The following DAOA variants were observed in gnomAD, a reference collection of about 807,000 sequenced individuals.
DAOA encodes D-amino acid oxidase regulator.
Under a neutral mutation model 16.4 loss-of-function variants are expected in DAOA, and 15 were observed. The ratio of observed to expected loss-of-function variants is 0.91; its 90% CI spans 0.61 to 1.41. The LOEUF (loss-of-function observed/expected upper bound fraction) is 1.41, where lower values mean the gene tolerates loss of function less well. Ranked by LOEUF, DAOA falls within the 40% of genes most tolerant of loss-of-function variation. The pLI is 0.00. For synonymous variants in DAOA, 75 were observed against 59.1 expected, an observed-to-expected ratio of 1.27 and a Z score of -1.23; for missense variants, 230 against 176.8, an observed-to-expected ratio of 1.30 and a Z score of -1.71.
At chr13:105,484,786 T>C (rs1877996866) in intron 4 of DAOA, among the ~76,000 whole-genome samples, 1 of 152,218 alleles carries the variant, frequency 6.6e-6, no homozygotes, top group Non-Finnish European at 1.5e-5. Flanking sequence ...ACAATTTGGA[T>C]GCCTTTTATT....
intron 2 of DAOA, 115 bp downstream of exon 2, chr13:105,466,447 G>C: frequency 6.4e-7 from 1 of 1,552,882 alleles, no homozygotes. Context: ...GAACATGTCA[G>C]GGTTGGAAGC....
chr13:105,482,250 C>A (rs1877794574), intron 4 of DAOA, among the ~76,000 whole-genome samples: 1 of 152,154 alleles, frequency 6.6e-6, no homozygotes, highest in Non-Finnish European at 1.5e-5. Flanking sequence ...TCTATTTCAT[C>A]ATTTCTCAGT....
At chr13:105,470,891 T>C (rs1018216662) in intron 3 of DAOA, among the ~76,000 whole-genome samples, 27 of 152,036 alleles carry the variant, frequency 1.8e-4, no homozygotes, top group African/African-American at 2.7e-4. Context: ...CCCGGGTTCA[T>C]GCCATTCTCC....
chr13:105,473,538 T>A (rs1364025091), intron 4 of DAOA, among the ~76,000 whole-genome samples: 1 of 152,170 alleles, frequency 6.6e-6, no homozygotes, highest in Admixed American at 6.5e-5. Flanking sequence ...TCATGTTTTA[T>A]CTGAGGCTAT....
chr13:105,484,422 CTTAAGAATA>C (rs942235071), intron 4 of DAOA, among the ~76,000 whole-genome samples: 2 of 152,074 alleles, frequency 1.3e-5, no homozygotes, highest in African/African-American at 4.8e-5. Flanking sequence ...CAACTGACAT[CTTAAGAATA>C]TTATCTTCCA....
intron 4 of DAOA, among the ~76,000 whole-genome samples, chr13:105,479,164 C>CA (rs1303993100): frequency 1.3e-5 from 2 of 152,124 alleles, no homozygotes; most frequent in Non-Finnish European, 2.9e-5. Flanking sequence ...GGTTGCTTCC[C>CA]AAAACAAGTA....
rs777028849 is a variant in DAOA at position 105,489,933 on chromosome 13, T to G, written c.314T>G (p.Val105Gly). 75 of 1,613,770 alleles carry G rather than the reference T, an allele frequency of 4.6e-5. No individual in the cohort carries two copies. The highest frequency in any genetic ancestry group is 5.8e-5 in the Non-Finnish European group (69 of 1,179,900). Residue 105 changes from valine to glycine, a missense_variant, in exon 5 of 6, where the codon GTC becomes GGC. Val to Gly is a moderately radical substitution (Grantham distance 109, BLOSUM62 -3). Coordinates refer to ENST00000375936, the MANE Select transcript of DAOA (RefSeq NM_172370.5). ...LEEVSSHVGK[V>G]FMARNYEFLA... The stretch of plus-strand genomic sequence containing the variant: ...GAAGTAAGCAGCCATGTTGGAAAAG[T>G]CTTCATGGCAAGAAACTATGAGTTC...
intron 5 of DAOA, 197 bp from the exon 6 acceptor site, chr13:105,490,715 A>C (rs992574693): frequency 1.3e-5 from 2 of 152,180 alleles, no homozygotes; most frequent in Admixed American, 1.3e-4. Flanking sequence ...GTTATTAACA[A>C]AAAGAGAAAA....
rs187005964 is a variant in DAOA, at chr13:105,476,157, C to T, written c.281+3472C>T. Among the ~76,000 whole-genome samples the T allele has an allele frequency of 3.8e-3, 584 of 152,120 alleles. 7 individuals carry two copies. The highest frequency in any genetic ancestry group is 0.016 in the South Asian group (75 of 4,806). On this transcript the variant is annotated intron_variant, in intron 4 of 5. Coordinates refer to ENST00000375936, the MANE Select transcript of DAOA (RefSeq NM_172370.5). ...TCAGACTCTTTCAGAGACATTTTAA[C>T]TCACGATGTGGGAAAACCAATGAGA...
Position 105,490,409 on chromosome 13 carries a change from C to T in DAOA, c.*111+217C>T, listed in dbSNP as rs113679524. 5.9e-3 allele frequency: 948 copies of T among 161,430 alleles called. 11 individuals are homozygous for T. Among genetic ancestry groups the T allele is most frequent in the African/African-American group, 0.021 (885 of 41,630 alleles). The allele number at this position is 161,430 out of a possible 1,614,324, so 10.0% of individuals were successfully genotyped here. A position where few individuals can be genotyped will look rare whatever the true frequency, so the allele number is the denominator to read the frequency against. On this transcript the variant is annotated intron_variant, in intron 5 of 5. Transcript: ENST00000375936. ...CTGTCATAATCAGTAAAACAAACAA[C>T]GGAAATTCAAAAGTCCTGTGAAGTT...
At position 105,490,209 on chromosome 13, in the gene DAOA, A is replaced by G. The variant is rs1333973258; in HGVS notation, c.*111+17A>G. 19 of 1,128,888 alleles carry G rather than the reference A, an allele frequency of 1.7e-5. No homozygotes were observed. The highest frequency in any genetic ancestry group is 2.1e-5 in the Non-Finnish European group (19 of 896,694). 69.9% of individuals were successfully genotyped at this position (1,128,888 alleles called of 1,614,324 possible). A position where few individuals can be genotyped will look rare whatever the true frequency, so the allele number is the denominator to read the frequency against. On this transcript the variant is annotated intron_variant, in intron 5 of 5. Coordinates refer to ENST00000375936, the MANE Select transcript of DAOA (RefSeq NM_172370.5). ...TAACACGTGGTAATATGTTTTATAA[A>G]ATTATATTTTTATGAATATTTTTAT... is the stretch of plus-strand genomic sequence containing the variant.
intron 4 of DAOA, among the ~76,000 whole-genome samples, chr13:105,485,499 C>G (rs1878043038): frequency 6.6e-6 from 1 of 152,142 alleles, no homozygotes; most frequent in Non-Finnish European, 1.5e-5. Context: ...GGTTTCTTTC[C>G]ACTAACCCTT....
intron 4 of DAOA, among the ~76,000 whole-genome samples, chr13:105,489,109 A>T (rs1016174247): frequency 6.6e-6 from 1 of 152,176 alleles, no homozygotes; most frequent in East Asian, 1.9e-4. Context: ...GATTAACTCT[A>T]TTACTTAGTG....
chr13:105,474,942 C>T (rs1221884702), intron 4 of DAOA: 17 of 812,162 alleles, frequency 2.1e-5, no homozygotes, highest in South Asian at 1.1e-4. Flanking sequence ...TTGTATTTCC[C>T]GTTCTGAACG....
intron 3 of DAOA, chr13:105,467,591 T>C (rs907428904): frequency 1.3e-5 from 2 of 151,724 alleles, no homozygotes; most frequent in African/African-American, 4.9e-5. Context: ...TTCTTTTTTT[T>C]TTTTTTTTCT....
At chr13:105,467,386 C>A (rs1261795000) in intron 3 of DAOA, among the ~76,000 whole-genome samples, 1 of 152,036 alleles carries the variant, frequency 6.6e-6, no homozygotes, top group Non-Finnish European at 1.5e-5. Flanking sequence ...ATGAAGAGAT[C>A]GATATCTCTT....
intron 4 of DAOA, among the ~76,000 whole-genome samples, chr13:105,481,147 CA>C (rs1331740739): frequency 6.6e-6 from 1 of 152,244 alleles, no homozygotes; most frequent in Non-Finnish European, 1.5e-5. Flanking sequence ...TCCTTGGAAA[CA>C]TATTAATTGG....
chr13:105,470,576 C>T (rs1337551226), intron 3 of DAOA, among the ~76,000 whole-genome samples: 1 of 152,064 alleles, frequency 6.6e-6, no homozygotes, highest in Non-Finnish European at 1.5e-5. Context: ...CACCCATGTA[C>T]ACCCAACCAA....
chr13:105,475,087 G>C (rs1288443692), intron 4 of DAOA: 23 of 964,804 alleles, frequency 2.4e-5, no homozygotes, highest in Non-Finnish European at 2.8e-5. Flanking sequence ...ATGTTAAGCT[G>C]CATACCCCTA....
Sources: gnomAD v4.1 joint callset for allele counts (sites outside exome capture counted in the v4.1 genomes callset) on GRCh38, gnomAD v4.1.1 for gene constraint, MANE v1.5 for transcripts, NCBI Gene and HGNC (gene_info 2026-07-23, HGNC 2026-07-21) for gene names.